Variants in CORIN observed in about 807,000 individuals in gnomAD.
The protein encoded by CORIN is atrial natriuretic peptide-converting enzyme.
CORIN carries 117 observed loss-of-function variants against 125.3 expected under a neutral mutation model. That is an observed-to-expected ratio of 0.93 (90% CI 0.80 to 1.09). CORIN has a LOEUF of 1.09. Among genes scored for constraint, CORIN ranks in the 50% least tolerant of loss-of-function variants. CORIN has a pLI of 0.00. For missense variants in CORIN, 1,253 were observed against 1,306.7 expected (o/e 0.96, Z 0.63); for synonymous variants, 450 against 466.4 (o/e 0.96, Z 0.45).
chr4:47,728,421 A>C (rs572045887), intron 5 of CORIN, among the ~76,000 whole-genome samples: 18 of 152,312 alleles, frequency 1.2e-4, no homozygotes, highest in East Asian at 3.9e-4. Context: ...AAGAAAAAAA[A>C]CCAGCATTTT....
In CORIN at chr4:47,806,926, A is replaced by G; in HGVS notation, c.185T>C (p.Leu62Pro). Reference sequence around the variant, plus strand: ...ACCAACATAGGAAAGCAGGATCACCAGCAAGAGAACGAGAGCACAGATACA... The same window carrying G: ...ACCAACATAGGAAAGCAGGATCACCGGCAAGAGAACGAGAGCACAGATACA... The part of the protein sequence containing the change: ...IPCICALVLL[L>P]VILLSYVGTL... Residue 62 changes from leucine to proline, a missense_variant, in exon 2 of 22, where the codon CTG becomes CCG. Leu to Pro is a moderately conservative substitution (Grantham distance 98). Coordinates refer to ENST00000273857, the MANE Select transcript of CORIN (RefSeq NM_006587.4). 2 of 1,613,230 alleles carry G rather than the reference A, an allele frequency of 1.2e-6. No homozygotes were observed. The highest frequency in any genetic ancestry group is 1.7e-6 in the Non-Finnish European group (2 of 1,179,680).
intron 16 of CORIN, chr4:47,632,545 A>G (rs1005799560): frequency 3.3e-5 from 5 of 152,222 alleles, no homozygotes; most frequent in African/African-American, 9.6e-5. Context: ...CAAACAAAAC[A>G]TGAATGAACT....
chr4:47,662,695 T>C (rs1015439376), intron 11 of CORIN, among the ~76,000 whole-genome samples: 4 of 152,156 alleles, frequency 2.6e-5, no homozygotes, highest in African/African-American at 9.7e-5. Context: ...AAACTCTTAC[T>C]TATCAAAAGT....
chr4:47,738,868 A>G (rs1288612799), intron 5 of CORIN, among the ~76,000 whole-genome samples: 1 of 151,818 alleles, frequency 6.6e-6, no homozygotes, highest in Non-Finnish European at 1.5e-5. Flanking sequence ...TAATAAAGAT[A>G]TATAGATTAT....
intron 2 of CORIN, chr4:47,790,131 A>T (rs1731007611): frequency 1.4e-6 from 1 of 704,086 alleles, no homozygotes; most frequent in African/African-American, 2.0e-5. Context: ...TGCTATGGTT[A>T]AAAGTACAGG....
rs977455907 is a variant in CORIN, at chr4:47,661,853, T to G, written c.1593A>C (p.Ala531=). The G allele has an allele frequency of 6.3e-7, 1 of 1,589,700 alleles. No individual in the cohort carries two copies. Among genetic ancestry groups the G allele is most frequent in the Non-Finnish European group, 8.6e-7 (1 of 1,166,102 alleles). Residue 531 remains alanine, a synonymous_variant, in exon 12 of 22, where the codon GCA becomes GCC. Coordinates refer to ENST00000273857, the MANE Select transcript of CORIN (RefSeq NM_006587.4). ...NTGEHIPPCR[A]LCEHSKERCE... is the part of the protein sequence containing the mutation. ...AGCGTTCTTTAGAGTGTTCACACAATGCCCTAGATGAACAAGAAAGACAAA... is the reference window on the plus strand; with the variant it reads ...AGCGTTCTTTAGAGTGTTCACACAAGGCCCTAGATGAACAAGAAAGACAAA...
At chr4:47,689,464 G>C (rs1725670475) in intron 6 of CORIN, among the ~76,000 whole-genome samples, 1 of 152,044 alleles carries the variant, frequency 6.6e-6, no homozygotes, top group Admixed American at 6.6e-5. Flanking sequence ...ATTACACTCG[G>C]TGTAATTAGA....
At chr4:47,754,701 A>T (rs898671487) in intron 4 of CORIN, among the ~76,000 whole-genome samples, 14 of 152,006 alleles carry the variant, frequency 9.2e-5, no homozygotes, top group African/African-American at 3.4e-4. Context: ...TATTTGTTTA[A>T]TATTTATTTA....
intron 16 of CORIN, among the ~76,000 whole-genome samples, chr4:47,634,451 T>G (rs1722950451): frequency 6.6e-6 from 1 of 152,106 alleles, no homozygotes; most frequent in African/African-American, 2.4e-5. Context: ...CTGATCTACA[T>G]GGTGAAACCC....
chr4:47,757,857 CATATATATACATATATATATGT>C (rs1343890277), intron 4 of CORIN, among the ~76,000 whole-genome samples: 1 of 107,484 alleles, frequency 9.3e-6, no homozygotes. Context: ...TGAGTTTACA[CATATATATACATATATATATGT>C]ATATATATAT....
chr4:47,734,838 CT>C (rs1349005352), intron 5 of CORIN, among the ~76,000 whole-genome samples: 1 of 152,218 alleles, frequency 6.6e-6, no homozygotes, highest in African/African-American at 2.4e-5. Context: ...GCAACTCCCC[CT>C]GTTCTCACAG....
At chr4:47,706,379 C>T in intron 5 of CORIN, 1 of 1,604,758 alleles carries the variant, frequency 6.2e-7, no homozygotes, top group Non-Finnish European at 8.5e-7. Flanking sequence ...AAGATGGGTG[C>T]ATACAAGTAT....
chr4:47,803,446 C>T (rs1361411320), intron 2 of CORIN, among the ~76,000 whole-genome samples: 1 of 152,162 alleles, frequency 6.6e-6, no homozygotes, highest in Non-Finnish European at 1.5e-5. Context: ...CATTACCTGA[C>T]TTCAAATAAT....
At chr4:47,757,066 T>G (rs1484478393) in intron 4 of CORIN, among the ~76,000 whole-genome samples, 2 of 152,178 alleles carry the variant, frequency 1.3e-5, no homozygotes, top group East Asian at 1.9e-4. Context: ...GTCTCTAGGA[T>G]GAAATACAAG....
At chr4:47,709,169 T>G (rs1283502152) in intron 5 of CORIN, among the ~76,000 whole-genome samples, 7 of 151,366 alleles carry the variant, frequency 4.6e-5, no homozygotes, top group Non-Finnish European at 7.4e-5. Flanking sequence ...AGATGTCATA[T>G]TGTTCTGCAG....
intron 1 of CORIN, chr4:47,837,456 C>A: frequency 7.4e-6 from 2 of 270,526 alleles, no homozygotes; most frequent in Non-Finnish European, 7.1e-6. Context: ...CTGTAGATCC[C>A]CGAGGGGCTG....
At chr4:47,769,624 TATAA>T (rs1729927836) in intron 3 of CORIN, among the ~76,000 whole-genome samples, 1 of 152,014 alleles carries the variant, frequency 6.6e-6, no homozygotes, top group African/African-American at 2.4e-5. Flanking sequence ...CCAAATACAC[TATAA>T]AGCTATAGTA....
At chr4:47,690,105 C>A (rs1456499343) in intron 6 of CORIN, among the ~76,000 whole-genome samples, 2 of 152,150 alleles carry the variant, frequency 1.3e-5, no homozygotes, top group East Asian at 3.8e-4. Flanking sequence ...GTCACAGATA[C>A]CTGGAGTGCT....
intron 10 of CORIN, among the ~76,000 whole-genome samples, chr4:47,669,155 A>G (rs1724622604): frequency 1.3e-5 from 2 of 150,890 alleles, no homozygotes; most frequent in South Asian, 4.2e-4. Flanking sequence ...TCTGTCAAAG[A>G]AAAAAATCCT....
Sources: allele counts gnomAD v4.1 joint callset (sites outside exome capture counted in the v4.1 genomes callset), GRCh38; gene constraint gnomAD v4.1.1; transcripts MANE v1.5; gene names NCBI Gene and HGNC (gene_info 2026-07-23, HGNC 2026-07-21).